The following SHC4 variants were observed in gnomAD, a reference collection of about 807,000 sequenced individuals.
SHC4 encodes the protein SHC-transforming protein 4.
A neutral mutation model predicts 69.4 loss-of-function variants in SHC4; 41 were observed. That is an observed-to-expected ratio of 0.59 (90% CI 0.46 to 0.77). The LOEUF is 0.77. Among genes scored for constraint, SHC4 ranks in the 30% least tolerant of loss-of-function variants. The pLI, the probability that SHC4 is intolerant of heterozygous loss-of-function variation, is 0.00. For missense variants in SHC4, 777 were observed against 783.8 expected, an observed-to-expected ratio of 0.99 and a Z score of 0.10; for synonymous variants, 318 against 299.3, an observed-to-expected ratio of 1.06 and a Z score of -0.64.
chr15:48,877,900 T>A (rs1567059352), intron 4 of SHC4: 4 of 352,500 alleles, frequency 1.1e-5, no homozygotes, highest in Admixed American at 8.7e-5. Flanking sequence ...GCAGTAGGGT[T>A]AAGTAACACA....
Position 48,826,017 on chromosome 15 carries a change from G to T in SHC4, c.1847C>A (p.Pro616Gln). 3 of 1,613,908 alleles carry T rather than the reference G, an allele frequency of 1.9e-6. No individual in the cohort carries two copies. Among genetic ancestry groups the T allele is most frequent in the Non-Finnish European group, 2.5e-6 (3 of 1,179,932 alleles). ...SSGSEVSLKQ[P>Q]VRKDNNPALL... The stretch of plus-strand genomic sequence containing the variant: ...TGCTGGATTATTATCTTTTCTCACT[G>T]GTTGTTTAAGGCTTACTTCGCTTCC... The change falls in exon 12 of 12, where the codon CCA becomes CAA. Residue 616 changes from proline (P) to glutamine (Q), a missense_variant. By Grantham distance (76) the Pro-to-Gln change is moderately conservative (BLOSUM62 -1). Coordinates refer to ENST00000332408, the MANE Select transcript of SHC4 (RefSeq NM_203349.4).
At chr15:48,931,017 A>G (rs1255419997) in intron 1 of SHC4, among the ~76,000 whole-genome samples, 1 of 152,090 alleles carries the variant, frequency 6.6e-6, no homozygotes, top group Non-Finnish European at 1.5e-5. Flanking sequence ...CTACTCACCT[A>G]TTGGGGTCAC....
chr15:48,928,289 T>C (rs139972496), intron 1 of SHC4, among the ~76,000 whole-genome samples: 2 of 152,284 alleles, frequency 1.3e-5, no homozygotes, highest in Non-Finnish European at 2.9e-5. Context: ...TGTAGTGAAG[T>C]GGGAAGCTGG....
chr15:48,933,968 A>T (rs1354830607), intron 1 of SHC4, among the ~76,000 whole-genome samples: 1 of 152,164 alleles, frequency 6.6e-6, no homozygotes. Flanking sequence ...TATAAGAGCT[A>T]AAACTGTAAA....
intron 2 of SHC4, among the ~76,000 whole-genome samples, chr15:48,916,000 A>G (rs1900613447): frequency 6.6e-6 from 1 of 152,090 alleles, no homozygotes; most frequent in Non-Finnish European, 1.5e-5. Context: ...GAATCCACAT[A>G]CCATATGCTG....
chr15:48,937,419 A>G (rs1470466011), intron 1 of SHC4, among the ~76,000 whole-genome samples: 1 of 152,052 alleles, frequency 6.6e-6, no homozygotes, highest in African/African-American at 2.4e-5. Flanking sequence ...GCTGTGCTCA[A>G]GAGTCACAGG....
Position 48,951,858 on chromosome 15 carries a change from A to G in SHC4, c.585+10573T>C, listed in dbSNP as rs28374229. Reference sequence around the variant, plus strand: ...TTTCATTTATTATAACCTAACATTTATTACAGTAATGTGTGTGGACATCTT... The same window carrying G: ...TTTCATTTATTATAACCTAACATTTGTTACAGTAATGTGTGTGGACATCTT... On this transcript the variant is annotated intron_variant, in intron 1 of 11. Coordinates refer to ENST00000332408, the MANE Select transcript of SHC4 (RefSeq NM_203349.4). Among the ~76,000 whole-genome samples, 213 of 152,266 alleles carry G rather than the reference A, an allele frequency of 1.4e-3. 2 individuals are homozygous for G. Among genetic ancestry groups the G allele is most frequent in the African/African-American group, 5.1e-3 (212 of 41,536 alleles).
At chr15:48,958,347 T>C (rs779731839) in intron 1 of SHC4, among the ~76,000 whole-genome samples, 4 of 152,262 alleles carry the variant, frequency 2.6e-5, no homozygotes, top group Non-Finnish European at 5.9e-5. Flanking sequence ...TGGAGGAACA[T>C]TGGAGTGAGA....
At chr15:48,828,317 G>A (rs1898729085) in intron 11 of SHC4, among the ~76,000 whole-genome samples, 1 of 152,140 alleles carries the variant, frequency 6.6e-6, no homozygotes, top group Non-Finnish European at 1.5e-5. Flanking sequence ...GAACACTGTA[G>A]CATAGGACAG....
intron 1 of SHC4, among the ~76,000 whole-genome samples, chr15:48,954,667 G>T (rs1051065272): frequency 6.6e-6 from 1 of 152,234 alleles, no homozygotes; most frequent in Non-Finnish European, 1.5e-5. Flanking sequence ...GCAAGACTTA[G>T]GGAAGAAAGT....
intron 6 of SHC4, among the ~76,000 whole-genome samples, chr15:48,864,601 C>T (rs894045305): frequency 1.3e-5 from 2 of 151,736 alleles, no homozygotes; most frequent in Non-Finnish European, 2.9e-5. Flanking sequence ...GTGCCCACCA[C>T]CACACCCAGC....
At position 48,892,863 on chromosome 15, in the gene SHC4, C is replaced by CAA. The variant is rs11391011; in HGVS notation, c.657-2054_657-2053dup. Among the ~76,000 whole-genome samples, 619 of 72,790 alleles carry CAA rather than the reference C, an allele frequency of 8.5e-3. 6 individuals carry two copies. Among genetic ancestry groups the CAA allele is most frequent in the African/African-American group, 0.027 (574 of 21,510 alleles). The allele number at this position is 72,790 out of a possible 152,430, so 47.8% of individuals were successfully genotyped here. A position where few individuals can be genotyped will look rare whatever the true frequency, so the allele number is the denominator to read the frequency against. ...GGGCAAAAAGAGCAAAACTCCGTCTCAAAAAAAAAAAAAAAAAAGTTGACT... is the reference window on the plus strand; with the variant it reads ...GGGCAAAAAGAGCAAAACTCCGTCTCAAAAAAAAAAAAAAAAAAAAGTTGACT... On this transcript the variant is annotated intron_variant, in intron 2 of 11. Coordinates refer to ENST00000332408, the MANE Select transcript of SHC4 (RefSeq NM_203349.4).
chr15:48,874,015 A>G (rs1326393893), intron 4 of SHC4, among the ~76,000 whole-genome samples: 1 of 152,206 alleles, frequency 6.6e-6, no homozygotes, highest in African/African-American at 2.4e-5. Context: ...ATATGGAAGA[A>G]TAAATGTGCA....
At chr15:48,949,098 G>A (rs557008408) in intron 1 of SHC4, among the ~76,000 whole-genome samples, 8 of 152,172 alleles carry the variant, frequency 5.3e-5, no homozygotes, top group East Asian at 3.9e-4. Flanking sequence ...CTGGCCAGGC[G>A]CGGTGGCTCA....
chr15:48,859,973 C>G (rs1899408974), intron 6 of SHC4, among the ~76,000 whole-genome samples: 1 of 151,930 alleles, frequency 6.6e-6, no homozygotes. Flanking sequence ...GTTGCAGGCT[C>G]TAGTGTACTG....
intron 4 of SHC4, chr15:48,880,090 A>G (rs1197367111): frequency 1.8e-5 from 3 of 167,126 alleles, no homozygotes; most frequent in African/African-American, 4.8e-5. Flanking sequence ...AAATAAGTGT[A>G]TCAGCAGGTT....
chr15:48,841,271 A>G (rs994083314), intron 10 of SHC4, among the ~76,000 whole-genome samples: 3 of 152,244 alleles, frequency 2.0e-5, no homozygotes, highest in African/African-American at 7.2e-5. Context: ...TAAGGTCCAG[A>G]AAGGGTTTTT....
intron 2 of SHC4, among the ~76,000 whole-genome samples, chr15:48,913,628 C>T (rs564348498): frequency 7.9e-5 from 12 of 152,218 alleles, no homozygotes; most frequent in African/African-American, 2.9e-4. Context: ...GGCTTCTCAC[C>T]CCCTTCAAAT....
intron 1 of SHC4, among the ~76,000 whole-genome samples, chr15:48,942,684 G>C (rs1000573714): frequency 6.6e-6 from 1 of 152,124 alleles, no homozygotes; most frequent in Non-Finnish European, 1.5e-5. Flanking sequence ...CTTTCTAGAA[G>C]GATACATAGA....
Sources: gnomAD v4.1 joint callset for allele counts (sites outside exome capture counted in the v4.1 genomes callset) on GRCh38, gnomAD v4.1.1 for gene constraint, MANE v1.5 for transcripts, NCBI Gene and HGNC (gene_info 2026-07-23, HGNC 2026-07-21) for gene names.